The following CTDP1 variants were observed in gnomAD, a reference collection of about 807,000 sequenced individuals.
CTDP1 encodes CTD phosphatase 1.
CTDP1 carries 47 observed loss-of-function variants against 91.8 expected under a neutral mutation model. The observed-to-expected ratio is 0.51, with a 90% CI of 0.41 to 0.65. The LOEUF (loss-of-function observed/expected upper bound fraction) is 0.65. Ranked by LOEUF, CTDP1 falls within the 30% of genes least tolerant of loss-of-function variation. The probability of loss-of-function intolerance (pLI) is 0.00; values close to 1 mark genes in which losing one functional copy is unlikely to be tolerated. For synonymous variants in CTDP1, 656 were observed against 598.5 expected (o/e 1.10, Z -1.40); for missense variants, 1,272 against 1,373.7 (o/e 0.93, Z 1.17).
chr18:79,749,610 C>G (rs907422030), intron 12 of CTDP1, among the ~76,000 whole-genome samples: 1 of 152,108 alleles, frequency 6.6e-6, no homozygotes, highest in African/African-American at 2.4e-5. Context: ...TGACTGCCCC[C>G]TCCCCGAGGT....
At chr18:79,727,756 G>A (rs747331515) in intron 10 of CTDP1, among the ~76,000 whole-genome samples, 11 of 152,104 alleles carry the variant, frequency 7.2e-5, no homozygotes, top group Non-Finnish European at 1.5e-4. Context: ...TGTCCCGAGC[G>A]AGTTGGTATC....
At chr18:79,729,452 AC>A (rs1156786879) in intron 11 of CTDP1, among the ~76,000 whole-genome samples, 3 of 151,946 alleles carry the variant, frequency 2.0e-5, no homozygotes, top group Non-Finnish European at 2.9e-5. Flanking sequence ...GCCGGTCAAC[AC>A]CCCCTGCCTG....
intron 5 of CTDP1, 50 bp downstream of exon 5, chr18:79,704,967 CT>C: frequency 6.2e-7 from 1 of 1,608,598 alleles, no homozygotes; most frequent in South Asian, 1.1e-5. Flanking sequence ...GGTTTCTTTC[CT>C]GTTTTCGGTG....
chr18:79,747,630 G>A (rs1221892673), intron 12 of CTDP1, among the ~76,000 whole-genome samples: 2 of 152,218 alleles, frequency 1.3e-5, no homozygotes, highest in African/African-American at 2.4e-5. Context: ...CCCCAACGCC[G>A]CTCTCACGCC....
At chr18:79,699,170 A>G (rs962917161) in intron 4 of CTDP1, among the ~76,000 whole-genome samples, 3 of 152,202 alleles carry the variant, frequency 2.0e-5, no homozygotes, top group Admixed American at 6.5e-5. Flanking sequence ...GTGGCATCTT[A>G]CACAGCAGTC....
intron 1 of CTDP1, among the ~76,000 whole-genome samples, chr18:79,694,211 G>C (rs892889190): frequency 7.2e-6 from 1 of 139,496 alleles, no homozygotes; most frequent in Non-Finnish European, 1.5e-5. Context: ...CCTCATGTCT[G>C]CAGGGCAGGG....
At chr18:79,681,557 C>A in intron 1 of CTDP1, 2 of 926,710 alleles carry the variant, frequency 2.2e-6, no homozygotes, top group Non-Finnish European at 1.3e-6. Flanking sequence ...TATTGAAATT[C>A]CATGTTCAGT....
At chr18:79,749,698 G>A (rs965214016) in intron 12 of CTDP1, 2 of 152,274 alleles carry the variant, frequency 1.3e-5, no homozygotes, top group Non-Finnish European at 2.9e-5. Flanking sequence ...ACCTGCCAGT[G>A]GGTTGAGCTC....
chr18:79,719,832 C>A (rs139856917), intron 10 of CTDP1, among the ~76,000 whole-genome samples: 1 of 145,060 alleles, frequency 6.9e-6, no homozygotes, highest in African/African-American at 2.6e-5. Context: ...GATGTCATCT[C>A]CTGCTGTTAG....
In CTDP1 at chr18:79,684,630, A is replaced by G. The variant is rs548022046; in HGVS notation, c.314+4369A>G. On this transcript the variant is annotated intron_variant, in intron 1 of 12. Transcript: ENST00000613122. ...TTGCCTGCGTTGTTGTCACCAGGCA[A>G]GGTGGGTCCGTGCCCTCGTTGCCTG... is the stretch of plus-strand genomic sequence containing the variant. 1.4e-4 allele frequency among the ~76,000 whole-genome samples: 20 copies of G among 146,414 alleles called. No individual in the cohort carries two copies. In the South Asian group the frequency reaches 4.3e-3, roughly 31 times the overall value.
intron 11 of CTDP1, among the ~76,000 whole-genome samples, chr18:79,729,298 C>T (rs2086516856): frequency 6.6e-6 from 1 of 152,242 alleles, no homozygotes; most frequent in South Asian, 2.1e-4. Flanking sequence ...GGCATGAGAA[C>T]ACGTGGAAGT....
rs977927115 is a variant in CTDP1 at position 79,714,925 on chromosome 18, G to C, written c.1465G>C (p.Ala489Pro). 6 of 1,564,788 alleles carry C rather than the reference G, an allele frequency of 3.8e-6. No individual in the cohort carries two copies. Among genetic ancestry groups the C allele is most frequent in the African/African-American group, 1.3e-5 (1 of 74,166 alleles). The change falls in exon 8 of 13, where the codon GCT becomes CCT. Residue 489 changes from alanine to proline, a missense_variant. This residue lies in a region of CTDP1 where 881 missense variants were observed against 911.6 expected (regional missense o/e 0.97). Coordinates refer to ENST00000613122, the MANE Select transcript of CTDP1 (RefSeq NM_004715.5). ...GAAAAGAGGCCGGCAGAAGCCGAAG[G>C]CTGCCCCAGAGGGAGCCGGGGCGCT... The part of the protein sequence containing the change: ...EGKRGRQKPK[A>P]APEGAGALAQ...
intron 5 of CTDP1, among the ~76,000 whole-genome samples, chr18:79,709,650 T>G (rs1184657216): frequency 6.6e-6 from 1 of 152,230 alleles, no homozygotes; most frequent in African/African-American, 2.4e-5. Context: ...TGGAAGCACC[T>G]TCTGCACTAG....
intron 12 of CTDP1, among the ~76,000 whole-genome samples, chr18:79,737,814 G>C (rs544556687): frequency 6.6e-6 from 1 of 152,268 alleles, no homozygotes; most frequent in Admixed American, 6.5e-5. Context: ...GGATTTGGGG[G>C]TGTGGAATGA....
chr18:79,712,986 G>T lies in CTDP1; in HGVS notation c.878G>T (p.Cys293Phe). The T allele has an allele frequency of 6.2e-7, 1 of 1,613,972 alleles. No individual in the cohort carries two copies. The highest frequency in any genetic ancestry group is 1.3e-5 in the African/African-American group (1 of 74,996). ...TTCACTTGTAGAAATCTCTTTCCTT[G>T]TGGAGACTCAATGGTTTGCATTATT... Reference protein sequence around the residue: ...KTGNLRNLFPCGDSMVCIIDD... With the variant: ...KTGNLRNLFPFGDSMVCIIDD... Residue 293 changes from cysteine to phenylalanine, a missense_variant, in exon 7 of 13, where the codon TGT becomes TTT. Transcript: ENST00000613122.
rs150429778 is a variant in CTDP1, at chr18:79,714,160, A to C, written c.1031-331A>C. 1.2e-4 allele frequency among the ~76,000 whole-genome samples: 18 copies of C among 152,364 alleles called. No homozygotes were observed. The East Asian group carries it at 2.9e-3, about 24-fold the overall frequency. On this transcript the variant is annotated intron_variant, in intron 7 of 12. Coordinates refer to ENST00000613122, the MANE Select transcript of CTDP1 (RefSeq NM_004715.5). Reference sequence around the variant, plus strand: ...CAGGTGGAGGATCCCTCCTCCCCCAAATCCAAAGCTTTTTGAGTGCCCACA... The same window carrying C: ...CAGGTGGAGGATCCCTCCTCCCCCACATCCAAAGCTTTTTGAGTGCCCACA...
At chr18:79,732,780 G>A (rs1450662876) in intron 11 of CTDP1, among the ~76,000 whole-genome samples, 1 of 151,320 alleles carries the variant, frequency 6.6e-6, no homozygotes, top group Non-Finnish European at 1.5e-5. Flanking sequence ...AAAATCATGT[G>A]AGACGTAAGA....
At chr18:79,730,137 G>A (rs1459966277) in intron 11 of CTDP1, among the ~76,000 whole-genome samples, 1 of 152,180 alleles carries the variant, frequency 6.6e-6, no homozygotes, top group Non-Finnish European at 1.5e-5. Flanking sequence ...CTTTTTTGAG[G>A]TGTGCTGAAT....
intron 1 of CTDP1, among the ~76,000 whole-genome samples, chr18:79,688,940 C>T (rs957166808): frequency 2.0e-5 from 3 of 152,244 alleles, no homozygotes; most frequent in Non-Finnish European, 2.9e-5. Flanking sequence ...AATGTTAATG[C>T]TTTGCTGAGT....
Sources: gnomAD v4.1 joint callset for allele counts (sites outside exome capture counted in the v4.1 genomes callset) on GRCh38, gnomAD v4.1.1 for gene constraint, gnomAD v4.1.1 regional missense constraint, MANE v1.5 for transcripts, NCBI Gene and HGNC (gene_info 2026-07-23, HGNC 2026-07-21) for gene names.